The following MBD5 variants were observed in gnomAD, a reference collection of about 807,000 sequenced individuals.
MBD5 encodes the protein methyl-CpG-binding domain protein 5.
In MBD5, 13 loss-of-function variants were observed where a neutral mutation model predicts 117.3. The ratio of observed to expected loss-of-function variants is 0.11; its 90% CI spans 0.07 to 0.18. The LOEUF (loss-of-function observed/expected upper bound fraction) is 0.18. Ranked by LOEUF, MBD5 falls within the 10% of genes least tolerant of loss-of-function variation. The probability of loss-of-function intolerance (pLI) is 1.00; values close to 1 mark genes in which losing one functional copy is unlikely to be tolerated. For missense variants in MBD5, 1,879 were observed against 2,093.8 expected, an observed-to-expected ratio of 0.90 and a Z score of 2.00; for synonymous variants, 727 against 766.4, an observed-to-expected ratio of 0.95 and a Z score of 0.85.
At chr2:148,220,789 A>G (rs2106069484) in intron 2 of MBD5, among the ~76,000 whole-genome samples, 1 of 152,224 alleles carries the variant, frequency 6.6e-6, no homozygotes, top group Admixed American at 6.5e-5. Flanking sequence ...ACATCTTGTT[A>G]TAACAATTTT....
chr2:148,149,495 G>C (rs1461268360), intron 1 of MBD5, among the ~76,000 whole-genome samples: 3 of 149,052 alleles, frequency 2.0e-5, no homozygotes, highest in Admixed American at 2.0e-4. Flanking sequence ...TCTAGTTCTA[G>C]ATCCCTGAGG....
intron 4 of MBD5, among the ~76,000 whole-genome samples, chr2:148,343,264 A>G (rs1702998991): frequency 6.6e-6 from 1 of 152,044 alleles, no homozygotes; most frequent in African/African-American, 2.4e-5. Context: ...TGGGAGAACA[A>G]TTTGTTTGCT....
chr2:148,373,324 A>G (rs919085998), intron 4 of MBD5, among the ~76,000 whole-genome samples: 1 of 152,098 alleles, frequency 6.6e-6, no homozygotes, highest in South Asian at 2.1e-4. Context: ...ACTCTTGTTC[A>G]TTGGTAGCAT....
intron 1 of MBD5, among the ~76,000 whole-genome samples, chr2:148,167,896 T>C (rs1371766532): frequency 6.6e-6 from 1 of 152,224 alleles, no homozygotes; most frequent in Admixed American, 6.5e-5. Context: ...TTATATTTTG[T>C]TTGTTTTCAC....
intron 3 of MBD5, among the ~76,000 whole-genome samples, chr2:148,237,744 G>T (rs948735345): frequency 6.6e-6 from 1 of 152,186 alleles, no homozygotes; most frequent in Non-Finnish European, 1.5e-5. Flanking sequence ...TCAGTGCAGA[G>T]TTGTCACAAA....
In MBD5 at chr2:148,516,234, C is replaced by G. The variant is rs929558681; in HGVS notation, c.*3293C>G. The G allele has an allele frequency of 3.7e-4, 56 of 152,190 alleles. No individual in the cohort carries two copies. Among genetic ancestry groups the G allele is most frequent in the African/African-American group, 1.2e-3 (50 of 41,442 alleles). 9.4% of individuals were successfully genotyped at this position (152,190 alleles called of 1,614,324 possible). A position where few individuals can be genotyped will look rare whatever the true frequency, so the allele number is the denominator to read the frequency against. On this transcript the variant is annotated 3_prime_UTR_variant, in exon 14 of 14. Coordinates refer to ENST00000642680, the MANE Select transcript of MBD5 (RefSeq NM_001378120.1). The stretch of plus-strand genomic sequence containing the variant: ...CATTGTTGTTAACTTTGGTAATCTT[C>G]CATGCAGTTTGCAGTGTTCCCTTGC...
intron 1 of MBD5, among the ~76,000 whole-genome samples, chr2:148,148,913 TTAAA>T (rs1317329119): frequency 6.6e-6 from 1 of 152,080 alleles, no homozygotes; most frequent in African/African-American, 2.4e-5. Context: ...CATTAATTAA[TTAAA>T]TAAATATTTC....
intron 4 of MBD5, among the ~76,000 whole-genome samples, chr2:148,363,825 T>G (rs577577196): frequency 1.3e-5 from 2 of 152,200 alleles, no homozygotes; most frequent in South Asian, 4.1e-4. Context: ...AAACAAACCC[T>G]CCAAGAAATA....
chr2:148,304,992 G>A (rs1363275489), intron 3 of MBD5, among the ~76,000 whole-genome samples: 2 of 151,462 alleles, frequency 1.3e-5, no homozygotes, highest in Non-Finnish European at 3.0e-5. Flanking sequence ...GTGAACCCGG[G>A]AGGCGGAGCT....
chr2:148,043,281 A>T (rs1001814177), intron 1 of MBD5, among the ~76,000 whole-genome samples: 37 of 148,744 alleles, frequency 2.5e-4, no homozygotes, highest in Non-Finnish European at 4.0e-4. Context: ...AAAAAAAAAT[A>T]AAAAAATAAA....
At chr2:148,056,967 C>A (rs959294252) in intron 1 of MBD5, among the ~76,000 whole-genome samples, 1 of 151,554 alleles carries the variant, frequency 6.6e-6, no homozygotes, top group African/African-American at 2.4e-5. Flanking sequence ...TATTTTTCTA[C>A]GAATTCATCT....
At chr2:148,478,835 T>A (rs904329596) in intron 8 of MBD5, among the ~76,000 whole-genome samples, 1 of 152,242 alleles carries the variant, frequency 6.6e-6, no homozygotes, top group African/African-American at 2.4e-5. Flanking sequence ...GGATCCCAGC[T>A]GCCTTTTGGT....
At chr2:148,038,520 CA>C (rs59293929) in intron 1 of MBD5, among the ~76,000 whole-genome samples, 14,733 of 83,060 alleles carry the variant, frequency 0.18, 993 homozygotes, top group African/African-American at 0.31. Flanking sequence ...TGATTGCTGA[CA>C]AAAAAAAAAA....
At chr2:148,053,129 A>T (rs7569780) in intron 1 of MBD5, among the ~76,000 whole-genome samples, 1 of 151,702 alleles carries the variant, frequency 6.6e-6, no homozygotes, top group Non-Finnish European at 1.5e-5. Context: ...GAAGATGCCA[A>T]CTGTTATTGT....
chr2:148,161,407 A>C (rs1339659134), intron 1 of MBD5, among the ~76,000 whole-genome samples: 1 of 152,222 alleles, frequency 6.6e-6, no homozygotes, highest in Non-Finnish European at 1.5e-5. Context: ...GCTGAGGACT[A>C]TGAATAGGGA....
chr2:148,149,845 T>C (rs899001235), intron 1 of MBD5, among the ~76,000 whole-genome samples: 8 of 150,756 alleles, frequency 5.3e-5, no homozygotes, highest in African/African-American at 2.0e-4. Flanking sequence ...TATTAGCCCT[T>C]TGTCAGATGA....
At chr2:148,146,633 T>G (rs1697474427) in intron 1 of MBD5, among the ~76,000 whole-genome samples, 1 of 152,190 alleles carries the variant, frequency 6.6e-6, no homozygotes, top group African/African-American at 2.4e-5. Flanking sequence ...GGTACTCATA[T>G]TAAGGTTATT....
Position 148,023,674 on chromosome 2 carries a change from G to A in MBD5, c.-925+1990G>A, listed in dbSNP as rs1310876448. ...TACTGAAGAAATTAATTTTAGGTAAGGGAATTATGTAGATAATTGGGGTGG... is the reference window on the plus strand; with the variant it reads ...TACTGAAGAAATTAATTTTAGGTAAAGGAATTATGTAGATAATTGGGGTGG... On this transcript the variant is annotated intron_variant, in intron 1 of 13. Coordinates refer to ENST00000642680, the MANE Select transcript of MBD5 (RefSeq NM_001378120.1). Among the ~76,000 whole-genome samples the A allele has an allele frequency of 2.6e-5, 4 of 152,252 alleles. No individual in the cohort carries two copies. In the East Asian group the frequency reaches 7.7e-4, roughly 29 times the overall value.
chr2:148,386,718 CAAAAAAAAAAAAAA>C (rs60766324), intron 4 of MBD5, among the ~76,000 whole-genome samples: 1 of 104,234 alleles, frequency 9.6e-6, no homozygotes, highest in African/African-American at 3.7e-5. Flanking sequence ...GACTCCGTCT[CAAAAAAAAAAAAAA>C]AAAAAAAAAA....
Sources: allele counts gnomAD v4.1 joint callset (sites outside exome capture counted in the v4.1 genomes callset), GRCh38; gene constraint gnomAD v4.1.1; transcripts MANE v1.5; gene names NCBI Gene and HGNC (gene_info 2026-07-23, HGNC 2026-07-21).